The following SAMD5 variants were observed in gnomAD, a reference collection of about 807,000 sequenced individuals.
SAMD5 encodes the protein sterile alpha motif domain-containing protein 5.
A neutral mutation model predicts 11.3 loss-of-function variants in SAMD5; 13 were observed. The observed-to-expected ratio is 1.15, with a 90% CI of 0.75 to 1.83. The LOEUF is 1.83. Ranked by LOEUF, SAMD5 falls within the 40% of genes most tolerant of loss-of-function variation. The pLI, the probability that SAMD5 is intolerant of heterozygous loss-of-function variation, is 0.00. For synonymous variants in SAMD5, 129 were observed against 111.3 expected (o/e 1.16, Z -1.00); for missense variants, 255 against 239.1 (o/e 1.07, Z -0.44).
intron 1 of SAMD5, among the ~76,000 whole-genome samples, chr6:147,596,657 T>C (rs1789536073): frequency 1.3e-5 from 2 of 152,222 alleles, no homozygotes; most frequent in South Asian, 4.1e-4. Context: ...TCTATAAAAC[T>C]ATGAGAATGA....
the SAMD5 span, among the ~76,000 whole-genome samples, chr6:147,824,603 G>A: frequency 1.3e-5 from 2 of 152,020 alleles, no homozygotes; most frequent in Non-Finnish European, 1.5e-5. Context: ...AAAAAAAGAG[G>A]AAAAATTGCC....
the SAMD5 span, among the ~76,000 whole-genome samples, chr6:147,867,756 CA>C: frequency 6.6e-6 from 1 of 152,152 alleles, no homozygotes; most frequent in Non-Finnish European, 1.5e-5. Flanking sequence ...TAAATGACCT[CA>C]GTATTGTACT....
intron 1 of SAMD5, among the ~76,000 whole-genome samples, chr6:147,705,930 G>A (rs1164769735): frequency 2.0e-5 from 3 of 152,154 alleles, no homozygotes; most frequent in African/African-American, 7.2e-5. Flanking sequence ...CTTTTAGTGG[G>A]TTGAAGTTTT....
chr6:147,913,685 G>T, the SAMD5 span, among the ~76,000 whole-genome samples: 1 of 152,150 alleles, frequency 6.6e-6, no homozygotes, highest in African/African-American at 2.4e-5. Flanking sequence ...GACAGAGCGA[G>T]ACTCTGTCTC....
At chr6:147,833,112 G>A in the SAMD5 span, among the ~76,000 whole-genome samples, 1 of 152,182 alleles carries the variant, frequency 6.6e-6, no homozygotes, top group Non-Finnish European at 1.5e-5. Flanking sequence ...TCCCAAGCAG[G>A]CCATGACAAT....
intron 1 of SAMD5, among the ~76,000 whole-genome samples, chr6:147,527,669 C>T (rs868263408): frequency 6.6e-6 from 1 of 152,260 alleles, no homozygotes; most frequent in Admixed American, 6.5e-5. Context: ...CTCATTCCAG[C>T]ATTAACTGAA....
intron 1 of SAMD5, among the ~76,000 whole-genome samples, chr6:147,527,181 T>C (rs1788355977): frequency 6.6e-6 from 1 of 152,188 alleles, no homozygotes; most frequent in African/African-American, 2.4e-5. Flanking sequence ...ATTCTCACAT[T>C]GTTATAAAGA....
the SAMD5 span, among the ~76,000 whole-genome samples, chr6:147,751,703 G>A: frequency 3.9e-5 from 6 of 152,298 alleles, no homozygotes; most frequent in East Asian, 7.7e-4. Context: ...CTAATCACAC[G>A]ATTGAGGCCT....
At chr6:147,628,831 T>G (rs1403767550) in intron 1 of SAMD5, among the ~76,000 whole-genome samples, 3 of 152,122 alleles carry the variant, frequency 2.0e-5, no homozygotes, top group Admixed American at 2.0e-4. Flanking sequence ...ATGACATCTT[T>G]GGTTGGGTTC....
At chr6:147,645,213 T>C (rs766254075) in intron 1 of SAMD5, among the ~76,000 whole-genome samples, 19 of 152,140 alleles carry the variant, frequency 1.2e-4, no homozygotes, top group Non-Finnish European at 2.5e-4. Flanking sequence ...TGATGGCATG[T>C]GCAAGGAGGG....
intron 1 of SAMD5, among the ~76,000 whole-genome samples, chr6:147,662,790 G>C (rs958161408): frequency 5.9e-5 from 9 of 152,124 alleles, no homozygotes; most frequent in Non-Finnish European, 1.3e-4. Context: ...ATTTCAATCT[G>C]CTGTCAGGTC....
chr6:147,691,349 T>C (rs1328187696), intron 1 of SAMD5, among the ~76,000 whole-genome samples: 1 of 152,320 alleles, frequency 6.6e-6, no homozygotes, highest in East Asian at 1.9e-4. Context: ...AGAAGGCAAC[T>C]ACTGTTTTTC....
chr6:147,897,647 TA>T, the SAMD5 span, among the ~76,000 whole-genome samples: 1 of 151,958 alleles, frequency 6.6e-6, no homozygotes, highest in East Asian at 1.9e-4. Context: ...GAATTTGGAT[TA>T]TAAAAACGTA....
the SAMD5 span, among the ~76,000 whole-genome samples, chr6:147,905,673 A>C: frequency 6.6e-6 from 1 of 152,222 alleles, no homozygotes. Flanking sequence ...ACTTAAAACC[A>C]CAGATCTAAT....
the SAMD5 span, among the ~76,000 whole-genome samples, chr6:147,834,342 G>T: frequency 6.6e-6 from 1 of 152,178 alleles, no homozygotes; most frequent in African/African-American, 2.4e-5. Flanking sequence ...CTGTCATTAG[G>T]TAGTTACAAT....
At chr6:147,899,087 C>T in the SAMD5 span, among the ~76,000 whole-genome samples, 2 of 139,192 alleles carry the variant, frequency 1.4e-5, no homozygotes, top group African/African-American at 2.7e-5. Context: ...AGGAGAATGG[C>T]GTGAATCTGG....
Position 147,568,319 on chromosome 6 carries a change from G to T in SAMD5, c.*3863G>T, listed in dbSNP as rs537599406. On this transcript the variant is annotated 3_prime_UTR_variant, in exon 2 of 2. Transcript: ENST00000367474. ...TTTCCCTTATAAGAGCCTGAGTATT[G>T]TAACAGGTCTCTTGCACAGGGGGTT... 7 of 985,270 alleles carry T rather than the reference G, an allele frequency of 7.1e-6. No homozygotes were observed. In the South Asian group the frequency reaches 2.8e-4, roughly 40 times the overall value. 61.0% of individuals were successfully genotyped at this position (985,270 alleles called of 1,614,324 possible). A position where few individuals can be genotyped will look rare whatever the true frequency, so the allele number is the denominator to read the frequency against.
the SAMD5 span, among the ~76,000 whole-genome samples, chr6:147,876,749 G>A: frequency 2.0e-5 from 3 of 152,054 alleles, no homozygotes; most frequent in African/African-American, 7.2e-5. Context: ...CACTTTTTTG[G>A]GGAGTTCCTA....
chr6:147,679,441 A>G (rs904569911), intron 1 of SAMD5, among the ~76,000 whole-genome samples: 1 of 152,046 alleles, frequency 6.6e-6, no homozygotes, highest in African/African-American at 2.4e-5. Flanking sequence ...GCATTTGTAT[A>G]TATTCTTTGG....
Sources: gnomAD v4.1 joint callset for allele counts (sites outside exome capture counted in the v4.1 genomes callset) on GRCh38, gnomAD v4.1.1 for gene constraint, MANE v1.5 for transcripts, NCBI Gene and HGNC (gene_info 2026-07-23, HGNC 2026-07-21) for gene names.